ACTL9: variants seen among roughly 807,000 people sequenced by gnomAD.
ACTL9 encodes the protein actin-like protein 9.
In ACTL9, 1 loss-of-function variant was observed where a neutral mutation model predicts 0.9. The observed-to-expected ratio is 1.10, with a 90% CI of 0.39 to 5.23. The LOEUF is 5.23. Ranked by LOEUF, ACTL9 falls within the 30% of genes most tolerant of loss-of-function variation. The pLI is 0.16. For missense variants in ACTL9, 597 were observed against 566.8 expected, an observed-to-expected ratio of 1.05 and a Z score of -0.54; for synonymous variants, 283 against 269.5, an observed-to-expected ratio of 1.05 and a Z score of -0.49.
rs368066117 is a variant in ACTL9 at position 8,697,799 on chromosome 19, C to G, written c.903G>C (p.Leu301=). The G allele has an allele frequency of 6.2e-6, 10 of 1,613,174 alleles. No homozygotes were observed. In the African/African-American group the frequency reaches 6.7e-5, roughly 11 times the overall value. ...GCCCCGGGACCTCTGGGGGGTTGAA[C>G]AGCAGCTCCGGACACTGGAACAGCT... ...GKELFQCPEL[L]FNPPEVPGLS... Residue 301 remains leucine (L), a synonymous_variant, in exon 1 of 1, where the codon CTG becomes CTC. Transcript: ENST00000324436. The surrounding 1 kb of genome is among the most constrained non-coding windows in gnomAD (Gnocchi z 4.3).
Position 8,697,924 on chromosome 19 carries a change from A to G in ACTL9, c.778T>C (p.Tyr260His). 6.2e-7 allele frequency: 1 copy of G among 1,613,632 alleles called. No individual in the cohort carries two copies. The highest frequency in any genetic ancestry group is 8.5e-7 in the Non-Finnish European group (1 of 1,179,994). Residue 260 changes from tyrosine (Y) to histidine (H), a missense_variant, in exon 1 of 1, where the codon TAC becomes CAC. By Grantham distance (83) the Tyr-to-His change is moderately conservative. Transcript: ENST00000324436. This position sits in a 1 kb window ranked among gnomAD's most constrained non-coding sequence, Gnocchi z 4.3. ...TCCTTCTGGAAGTCGGAGGCCACGT[A>G]GCAATAGTGGTGCTTAATGTTCTCC... ...LVENIKHHYCYVASDFQKEQA... is the reference protein window; with the variant it reads ...LVENIKHHYCHVASDFQKEQA...
rs782434471 is a variant in ACTL9, at chr19:8,697,862, C to G, written c.840G>C (p.Leu280=). ...TGACCGTGCGCCCATCGGGCAGCTTCAGAGTCCGCTTGTACTCCTGCTCCG... is the reference window on the plus strand; with the variant it reads ...TGACCGTGCGCCCATCGGGCAGCTTGAGAGTCCGCTTGTACTCCTGCTCCG... ...ARPEQEYKRT[L]KLPDGRTVTL... The change falls in exon 1 of 1, where the codon CTG becomes CTC. Residue 280 remains leucine, a synonymous_variant. Transcript: ENST00000324436. This position sits in a 1 kb window ranked among gnomAD's most constrained non-coding sequence, Gnocchi z 4.3. The G allele has an allele frequency of 6.2e-7, 1 of 1,613,254 alleles. No homozygotes were observed. Among genetic ancestry groups the G allele is most frequent in the Non-Finnish European group, 8.5e-7 (1 of 1,179,940 alleles).
chr19:8,698,480 G>A lies in ACTL9; in HGVS notation c.222C>T (p.Thr74=), dbSNP rs781828284. Reference sequence around the variant, plus strand: ...GCTGGCAGCCCAGGATGGTGGCCACGGTGTAGGTGGGGCTGGCCTGCCCAG... The same window carrying A: ...GCTGGCAGCCCAGGATGGTGGCCACAGTGTAGGTGGGGCTGGCCTGCCCAG... The part of the protein sequence containing the change: ...GFAGQASPTY[T]VATILGCQPK... Residue 74 remains threonine (T), a synonymous_variant, in exon 1 of 1, where the codon ACC becomes ACT. Transcript: ENST00000324436. 1 of 1,552,486 alleles carries A rather than the reference G, an allele frequency of 6.4e-7. No individual in the cohort carries two copies. The highest frequency in any genetic ancestry group is 1.4e-5 in the African/African-American group (1 of 73,606).
Position 8,697,791 on chromosome 19 carries a change from G to C in ACTL9, c.911C>G (p.Pro304Arg). The change falls in exon 1 of 1, where the codon CCC becomes CGC. Residue 304 changes from proline to arginine, a missense_variant. By Grantham distance (103) the Pro-to-Arg change is moderately radical. Coordinates refer to ENST00000324436, the MANE Select transcript of ACTL9 (RefSeq NM_178525.5). This position sits in a 1 kb window ranked among gnomAD's most constrained non-coding sequence, Gnocchi z 4.3. ...LFQCPELLFN[P>R]PEVPGLSPVG... ...GGGTGACAGCCCCGGGACCTCTGGG[G>C]GGTTGAACAGCAGCTCCGGACACTG... 6.2e-7 allele frequency: 1 copy of C among 1,613,176 alleles called. No homozygotes were observed. The highest frequency in any genetic ancestry group is 8.5e-7 in the Non-Finnish European group (1 of 1,179,998).
In ACTL9 at chr19:8,698,144, G is replaced by A. The variant is rs1555753401; in HGVS notation, c.558C>T (p.Tyr186=). The A allele has an allele frequency of 3.7e-6, 6 of 1,607,710 alleles. No homozygotes were observed. The highest frequency in any genetic ancestry group is 5.1e-6 in the Non-Finnish European group (6 of 1,179,946). Residue 186 remains tyrosine, a synonymous_variant, in exon 1 of 1, where the codon TAC becomes TAT. Transcript: ENST00000324436. ...CCAGCCCGCTGACACGACCGTGGGCGTAGACAGACAGCACCGACTGCGATG... is the reference window on the plus strand; with the variant it reads ...CCAGCCCGCTGACACGACCGTGGGCATAGACAGACAGCACCGACTGCGATG... ...YVASQSVLSV[Y]AHGRVSGLVV...
chr19:8,698,707 C>G lies in ACTL9; in HGVS notation c.-6G>C. On this transcript the variant is annotated 5_prime_UTR_variant, in exon 1 of 1. Coordinates refer to ENST00000324436, the MANE Select transcript of ACTL9 (RefSeq NM_178525.5). The stretch of plus-strand genomic sequence containing the variant: ...TTGGGGCGACTTGCATCCATGGTTG[C>G]GGGACGCCAGGTGAGGGGGCTTTTC... The G allele has an allele frequency of 1.6e-6, 2 of 1,289,216 alleles. No homozygotes were observed. Among genetic ancestry groups the G allele is most frequent in the Admixed American group, 2.6e-5 (1 of 37,802 alleles). 79.9% of individuals were successfully genotyped at this position (1,289,216 alleles called of 1,614,324 possible).
rs781963592 is a variant in ACTL9 at position 8,697,710 on chromosome 19, C to T, written c.992G>A (p.Arg331His). Residue 331 changes from arginine to histidine, a missense_variant, in exon 1 of 1, where the codon CGC (arginine) becomes CAC (histidine). Transcript: ENST00000324436. The surrounding 1 kb of genome is among the most constrained non-coding windows in gnomAD (Gnocchi z 4.3). ...AAGCACGTTTTGGGCCAAGTCCGCG[C>T]GCATCTCCAGTGACAACTTGCGGAG... ...QSLRKLSLEMRADLAQNVLLC... is the reference protein window; with the variant it reads ...QSLRKLSLEMHADLAQNVLLC... The T allele has an allele frequency of 6.2e-7, 1 of 1,613,142 alleles. No homozygotes were observed. Among genetic ancestry groups the T allele is most frequent in the East Asian group, 2.2e-5 (1 of 44,864 alleles).
chr19:8,697,969 G>A lies in ACTL9; in HGVS notation c.733C>T (p.Gln245Ter). ...MLLQAGLPLG[Q>*]QDLDLVENIK... ...TTCTCCACTAGGTCCAGGTCCTGCT[G>A]TCCCAGGGGCAGGCCGGCCTGGAGC... is the stretch of plus-strand genomic sequence containing the variant. The change falls in exon 1 of 1, where the codon CAG becomes TAG. Residue 245 changes from glutamine (Q) to a stop codon, truncating the protein, a stop_gained. Transcript: ENST00000324436. LOFTEE classifies it low-confidence loss of function (END_TRUNC). This position sits in a 1 kb window ranked among gnomAD's most constrained non-coding sequence, Gnocchi z 4.3. The A allele has an allele frequency of 1.2e-6, 2 of 1,611,382 alleles. No individual in the cohort carries two copies. The highest frequency in any genetic ancestry group is 1.7e-6 in the Non-Finnish European group (2 of 1,179,992).
In ACTL9 at chr19:8,698,018, C is replaced by G; in HGVS notation, c.684G>C (p.Leu228=). ...TERLDLAGNN[L]TAFLAEMLLQ... is the part of the protein sequence containing the mutation. ...GCAGCATCTCCGCCAGGAAGGCGGT[C>G]AGGTTGTTGCCCGCCAGGTCCAGAC... Residue 228 remains leucine (L), a synonymous_variant, in exon 1 of 1, where the codon CTG becomes CTC. Coordinates refer to ENST00000324436, the MANE Select transcript of ACTL9 (RefSeq NM_178525.5). The G allele has an allele frequency of 6.2e-7, 1 of 1,603,270 alleles. No homozygotes were observed. Among genetic ancestry groups the G allele is most frequent in the South Asian group, 1.1e-5 (1 of 91,052 alleles).
chr19:8,698,031 G>C lies in ACTL9; in HGVS notation c.671C>G (p.Ala224Gly), dbSNP rs1555753378. ...LLHATERLDL[A>G]GNNLTAFLAE... is the part of the protein sequence containing the mutation. ...CAGGAAGGCGGTCAGGTTGTTGCCC[G>C]CCAGGTCCAGACGCTCCGTGGCGTG... The change falls in exon 1 of 1, where the codon GCG (alanine) becomes GGG (glycine). Residue 224 changes from alanine (A) to glycine (G), a missense_variant. Transcript: ENST00000324436. 3 of 1,601,602 alleles carry C rather than the reference G, an allele frequency of 1.9e-6. No individual in the cohort carries two copies. Among genetic ancestry groups the C allele is most frequent in the Non-Finnish European group, 2.5e-6 (3 of 1,179,704 alleles).
chr19:8,698,647 T>C lies in ACTL9; in HGVS notation c.55A>G (p.Arg19Gly). The C allele has an allele frequency of 6.3e-7, 1 of 1,578,422 alleles. No homozygotes were observed. ...SESQSSLEAP[R>G]PGPNPSPNVV... ...TTGGGACTGGGGTTTGGGCCGGGCC[T>C]GGGGGCCTCCAGGGAGGACTGGGAT... Residue 19 changes from arginine (R) to glycine (G), a missense_variant, in exon 1 of 1, where the codon AGG (arginine) becomes GGG (glycine). Arg to Gly is a moderately radical substitution (Grantham distance 125). Coordinates refer to ENST00000324436, the MANE Select transcript of ACTL9 (RefSeq NM_178525.5).
Position 8,698,791 on chromosome 19 carries a change from C to A in ACTL9, c.-90G>T. 4 of 1,190,568 alleles carry A rather than the reference C, an allele frequency of 3.4e-6. No homozygotes were observed. Among genetic ancestry groups the A allele is most frequent in the Non-Finnish European group, 3.4e-6 (3 of 886,184 alleles). 73.8% of individuals were successfully genotyped at this position (1,190,568 alleles called of 1,614,324 possible). ...AGGCCCGGCCAGTGGGGAGGGCAGG[C>A]AGACAGGGGGAGGGGTGGGCCCGCA... On this transcript the variant is annotated 5_prime_UTR_variant, in exon 1 of 1. Transcript: ENST00000324436.
In ACTL9 at chr19:8,698,423, C is replaced by T; in HGVS notation, c.279G>A (p.Gly93=). The T allele has an allele frequency of 6.6e-7, 1 of 1,521,468 alleles. No homozygotes were observed. The highest frequency in any genetic ancestry group is 1.3e-5 in the South Asian group (1 of 76,266). The allele number at this position is 1,521,468 out of a possible 1,614,324, so 94.2% of individuals were successfully genotyped here. ...CTGCCTCGCCGATGAACGTCTGCAG[C>T]CCGGACTGCCCCGAGGTGGCGGGTT... ...PKKPATSGQS[G]LQTFIGEAAR... The change falls in exon 1 of 1, where the codon GGG becomes GGA. Residue 93 remains glycine, a synonymous_variant. Coordinates refer to ENST00000324436, the MANE Select transcript of ACTL9 (RefSeq NM_178525.5).
chr19:8,698,280 G>A lies in ACTL9; in HGVS notation c.422C>T (p.Thr141Ile), dbSNP rs140792039. The A allele has an allele frequency of 7.1e-6, 11 of 1,545,722 alleles. No individual in the cohort carries two copies. Among genetic ancestry groups the A allele is most frequent in the Non-Finnish European group, 9.6e-6 (11 of 1,143,778 alleles). Residue 141 changes from threonine to isoleucine, a missense_variant, in exon 1 of 1, where the codon ACC becomes ATC. Thr to Ile is a moderately conservative substitution (Grantham distance 89). Coordinates refer to ENST00000324436, the MANE Select transcript of ACTL9 (RefSeq NM_178525.5). Reference sequence around the variant, plus strand: ...GGAGAACAGCAGCGGGTGGTCGTGGGTGGCCACTCGGAGGTCGTGCTCCAG... The same window carrying A: ...GGAGAACAGCAGCGGGTGGTCGTGGATGGCCACTCGGAGGTCGTGCTCCAG... The part of the protein sequence containing the change: ...HLLEHDLRVA[T>I]HDHPLLFSDP...
In ACTL9 at chr19:8,697,651, C is replaced by A. The variant is rs868935067; in HGVS notation, c.1051G>T (p.Glu351Ter). The change falls in exon 1 of 1, where the codon GAG becomes TAG. Residue 351 changes from glutamate to a stop codon, truncating the protein, a stop_gained. Coordinates refer to ENST00000324436, the MANE Select transcript of ACTL9 (RefSeq NM_178525.5). LOFTEE classifies it low-confidence loss of function (END_TRUNC). This position sits in a 1 kb window ranked among gnomAD's most constrained non-coding sequence, Gnocchi z 4.3. ...AGCAGCTCTGCCCGGAAGCGACCCT[C>A]GAAGCCGGTGAAGAGCGAGGACCCA... is the stretch of plus-strand genomic sequence containing the variant. ...CGGSSLFTGF[E>*]GRFRAELLRA... is the part of the protein sequence containing the mutation. 1.9e-6 allele frequency: 3 copies of A among 1,612,400 alleles called. No homozygotes were observed. Among genetic ancestry groups the A allele is most frequent in the East Asian group, 2.2e-5 (1 of 44,868 alleles).
rs781807703 is a variant in ACTL9, at chr19:8,698,383, C to G, written c.319G>C (p.Glu107Gln). 69 of 1,516,206 alleles carry G rather than the reference C, an allele frequency of 4.6e-5. No homozygotes were observed. Among genetic ancestry groups the G allele is most frequent in the Non-Finnish European group, 5.4e-5 (61 of 1,131,378 alleles). 93.9% of individuals were successfully genotyped at this position (1,516,206 alleles called of 1,614,324 possible). A position where few individuals can be genotyped will look rare whatever the true frequency, so the allele number is the denominator to read the frequency against. The change falls in exon 1 of 1, where the codon GAG (glutamate) becomes CAG (glutamine). Residue 107 changes from glutamate (E) to glutamine (Q), a missense_variant. Glu to Gln is a conservative substitution (Grantham distance 29). Transcript: ENST00000324436. ...CGCAGGGGTTGCACCAGCGTCAGCT[C>G]TGGGAGCACGCGGGCTGCCTCGCCG... ...FIGEAARVLP[E>Q]LTLVQPLRSG...
In ACTL9 at chr19:8,698,002, C is replaced by T. The variant is rs782278232; in HGVS notation, c.700G>A (p.Glu234Lys). The T allele has an allele frequency of 6.2e-7, 1 of 1,604,840 alleles. No individual in the cohort carries two copies. Among genetic ancestry groups the T allele is most frequent in the South Asian group, 1.1e-5 (1 of 91,058 alleles). Residue 234 changes from glutamate (E) to lysine (K), a missense_variant, in exon 1 of 1, where the codon GAG becomes AAG. By Grantham distance (56) the Glu-to-Lys change is moderately conservative. Coordinates refer to ENST00000324436, the MANE Select transcript of ACTL9 (RefSeq NM_178525.5). The stretch of plus-strand genomic sequence containing the variant: ...GGCAGGCCGGCCTGGAGCAGCATCT[C>T]CGCCAGGAAGGCGGTCAGGTTGTTG... ...AGNNLTAFLA[E>K]MLLQAGLPLG...
Position 8,697,659 on chromosome 19 carries a change from G to C in ACTL9, c.1043C>G (p.Thr348Ser). The change falls in exon 1 of 1, where the codon ACC becomes AGC. Residue 348 changes from threonine to serine, a missense_variant. Coordinates refer to ENST00000324436, the MANE Select transcript of ACTL9 (RefSeq NM_178525.5). This position sits in a 1 kb window ranked among gnomAD's most constrained non-coding sequence, Gnocchi z 4.3. Reference protein sequence around the residue: ...VLLCGGSSLFTGFEGRFRAEL... With the variant: ...VLLCGGSSLFSGFEGRFRAEL... ...TGCCCGGAAGCGACCCTCGAAGCCGGTGAAGAGCGAGGACCCACCGCAGAG... is the reference window on the plus strand; with the variant it reads ...TGCCCGGAAGCGACCCTCGAAGCCGCTGAAGAGCGAGGACCCACCGCAGAG... 1 of 1,612,826 alleles carries C rather than the reference G, an allele frequency of 6.2e-7. No individual in the cohort carries two copies. Among genetic ancestry groups the C allele is most frequent in the Non-Finnish European group, 8.5e-7 (1 of 1,179,768 alleles).
rs1555753357 is a variant in ACTL9, at chr19:8,697,943, G to T, written c.759C>A (p.Asn253Lys). The T allele has an allele frequency of 1.2e-6, 2 of 1,613,432 alleles. No homozygotes were observed. Among genetic ancestry groups the T allele is most frequent in the Non-Finnish European group, 1.7e-6 (2 of 1,180,018 alleles). ...LGQQDLDLVENIKHHYCYVAS... is the reference protein window; with the variant it reads ...LGQQDLDLVEKIKHHYCYVAS... ...CCACGTAGCAATAGTGGTGCTTAAT[G>T]TTCTCCACTAGGTCCAGGTCCTGCT... Residue 253 changes from asparagine (N) to lysine (K), a missense_variant, in exon 1 of 1, where the codon AAC becomes AAA. By Grantham distance (94) the Asn-to-Lys change is moderately conservative. Coordinates refer to ENST00000324436, the MANE Select transcript of ACTL9 (RefSeq NM_178525.5). The surrounding 1 kb of genome is among the most constrained non-coding windows in gnomAD (Gnocchi z 4.3).
Sources: allele counts gnomAD v4.1 joint callset, GRCh38; gene constraint gnomAD v4.1.1; non-coding constraint Gnocchi (gnomAD v3.1); transcripts MANE v1.5; gene names NCBI Gene and HGNC (gene_info 2026-07-23, HGNC 2026-07-21).